LRRC4C: variants seen among roughly 807,000 people sequenced by gnomAD.
The protein encoded by LRRC4C is leucine-rich repeat-containing protein 4C.
In LRRC4C, 5 loss-of-function variants were observed where a neutral mutation model predicts 33.6. The ratio of observed to expected loss-of-function variants is 0.15; its 90% CI spans 0.08 to 0.31. LRRC4C has a LOEUF of 0.31. Ranked by LOEUF, LRRC4C falls within the 10% of genes least tolerant of loss-of-function variation. LRRC4C has a pLI of 1.00. For synonymous variants in LRRC4C, 329 were observed against 302.0 expected, an observed-to-expected ratio of 1.09 and a Z score of -0.93; for missense variants, 560 against 796.7, an observed-to-expected ratio of 0.70 and a Z score of 3.58.
chr11:40,358,262 A>G (rs1359922751), intron 3 of LRRC4C, among the ~76,000 whole-genome samples: 2 of 152,064 alleles, frequency 1.3e-5, no homozygotes, highest in African/African-American at 4.8e-5. Context: ...GAGGTGAGGT[A>G]AAGCTTCCCT....
chr11:40,522,058 T>C (rs1447755161), intron 3 of LRRC4C, among the ~76,000 whole-genome samples: 1 of 152,168 alleles, frequency 6.6e-6, no homozygotes. Context: ...TTTCCCTCTC[T>C]GTCGCCCAGG....
chr11:40,689,733 T>C (rs1305633564), intron 2 of LRRC4C, among the ~76,000 whole-genome samples: 1 of 152,096 alleles, frequency 6.6e-6, no homozygotes, highest in Non-Finnish European at 1.5e-5. Flanking sequence ...CTGCATAAAC[T>C]TTTCCCTTTT....
intron 2 of LRRC4C, among the ~76,000 whole-genome samples, chr11:40,777,499 GTTT>G (rs57851988): frequency 0.18 from 24,928 of 137,424 alleles, 2,276 homozygotes; most frequent in East Asian, 0.4. Flanking sequence ...CTTTTTTACT[GTTT>G]TTTTTTTTTT....
intron 3 of LRRC4C, among the ~76,000 whole-genome samples, chr11:40,587,958 C>A (rs1009674852): frequency 6.6e-6 from 1 of 151,886 alleles, no homozygotes; most frequent in Non-Finnish European, 1.5e-5. Context: ...GTGTCTCTGC[C>A]CGGCTTTGGT....
At chr11:40,569,055 G>A (rs538543204) in intron 3 of LRRC4C, among the ~76,000 whole-genome samples, 10 of 152,246 alleles carry the variant, frequency 6.6e-5, no homozygotes, top group Non-Finnish European at 1.2e-4. Flanking sequence ...GCCGAGACAT[G>A]CAAGACACAT....
At chr11:41,215,359 A>T (rs1425198995) in intron 1 of LRRC4C, among the ~76,000 whole-genome samples, 3 of 151,584 alleles carry the variant, frequency 2.0e-5, no homozygotes, top group African/African-American at 7.3e-5. Context: ...GTGGTGGTGC[A>T]CGCCTGTGAT....
At chr11:41,070,699 T>G (rs924468546) in intron 1 of LRRC4C, among the ~76,000 whole-genome samples, 1 of 151,884 alleles carries the variant, frequency 6.6e-6, no homozygotes, top group Non-Finnish European at 1.5e-5. Flanking sequence ...GAAATGCACA[T>G]CAAAACCATA....
chr11:41,119,335 A>AG (rs1942305573), intron 1 of LRRC4C, among the ~76,000 whole-genome samples: 2 of 152,314 alleles, frequency 1.3e-5, no homozygotes, highest in South Asian at 4.1e-4. Flanking sequence ...AACTTCCCTA[A>AG]GGTCACACAG....
At chr11:40,336,504 T>C (rs1946610054) in intron 3 of LRRC4C, among the ~76,000 whole-genome samples, 1 of 152,198 alleles carries the variant, frequency 6.6e-6, no homozygotes, top group Non-Finnish European at 1.5e-5. Context: ...CTCATCTCAC[T>C]GCTGCCACCA....
chr11:40,761,411 A>G (rs1202883316), intron 2 of LRRC4C, among the ~76,000 whole-genome samples: 4 of 152,112 alleles, frequency 2.6e-5, no homozygotes, highest in Non-Finnish European at 4.4e-5. Flanking sequence ...CCACTTAATG[A>G]GTTTTTCATC....
chr11:40,874,753 T>C (rs1339153576), intron 2 of LRRC4C, among the ~76,000 whole-genome samples: 2 of 152,190 alleles, frequency 1.3e-5, no homozygotes, highest in Non-Finnish European at 2.9e-5. Flanking sequence ...TTCACTGGAT[T>C]TGCAATGAGG....
chr11:40,319,873 T>C (rs549900018), intron 3 of LRRC4C, 152 bp from the exon 4 acceptor site: 2 of 152,146 alleles, frequency 1.3e-5, no homozygotes, highest in Non-Finnish European at 2.9e-5. Context: ...GTGTGTTACA[T>C]AACTAACAAA....
At chr11:40,436,434 G>A (rs1287858668) in intron 3 of LRRC4C, among the ~76,000 whole-genome samples, 1 of 152,122 alleles carries the variant, frequency 6.6e-6, no homozygotes, top group Non-Finnish European at 1.5e-5. Flanking sequence ...TGTGACTTGA[G>A]TAATAAAGGC....
intron 3 of LRRC4C, among the ~76,000 whole-genome samples, chr11:40,452,823 C>T: frequency 6.6e-6 from 1 of 152,078 alleles, no homozygotes; most frequent in Non-Finnish European, 1.5e-5. Flanking sequence ...AAATGTGGCA[C>T]ATATACACCA....
intron 2 of LRRC4C, among the ~76,000 whole-genome samples, chr11:40,660,769 C>A (rs1233380461): frequency 6.6e-6 from 1 of 152,080 alleles, no homozygotes; most frequent in African/African-American, 2.4e-5. Context: ...TAGTTTTGTG[C>A]CCATTTACCA....
At chr11:40,838,741 T>C (rs941172765) in intron 2 of LRRC4C, among the ~76,000 whole-genome samples, 6 of 151,856 alleles carry the variant, frequency 4.0e-5, no homozygotes, top group Non-Finnish European at 1.5e-5. Context: ...ATATATAATA[T>C]GTATATATTT....
At chr11:40,657,809 A>C (rs1411537856) in intron 2 of LRRC4C, among the ~76,000 whole-genome samples, 2 of 152,194 alleles carry the variant, frequency 1.3e-5, no homozygotes, top group Non-Finnish European at 2.9e-5. Context: ...AACCTTGGCA[A>C]AATAAACTTT....
chr11:40,972,671 G>A (rs185865157), intron 1 of LRRC4C, among the ~76,000 whole-genome samples: 2 of 152,234 alleles, frequency 1.3e-5, no homozygotes, highest in African/African-American at 4.8e-5. Flanking sequence ...GAATGAGAGC[G>A]AAGTTGGGAA....
chr11:40,812,065 T>A (rs902258665), intron 2 of LRRC4C, among the ~76,000 whole-genome samples: 1 of 152,220 alleles, frequency 6.6e-6, no homozygotes, highest in Non-Finnish European at 1.5e-5. Flanking sequence ...TGCTATTGCA[T>A]TGTAAGTACT....
Sources: gnomAD v4.1 joint callset for allele counts (sites outside exome capture counted in the v4.1 genomes callset) on GRCh38, gnomAD v4.1.1 for gene constraint, MANE v1.5 for transcripts, NCBI Gene and HGNC (gene_info 2026-07-23, HGNC 2026-07-21) for gene names.